Variants in DCLRE1A observed in about 807,000 individuals in gnomAD.
DCLRE1A encodes DNA cross-link repair 1A.
Under a neutral mutation model 91.9 loss-of-function variants are expected in DCLRE1A, and 64 were observed. That is an observed-to-expected ratio of 0.70 (90% confidence interval 0.57 to 0.86). The LOEUF (loss-of-function observed/expected upper bound fraction) is 0.86. Ranked by LOEUF, DCLRE1A falls within the 40% of genes least tolerant of loss-of-function variation. DCLRE1A has a pLI of 0.00. For synonymous variants in DCLRE1A, 416 were observed against 431.1 expected (o/e 0.96, Z 0.43); for missense variants, 1,145 against 1,213.3 (o/e 0.94, Z 0.84).
Position 113,847,191 on chromosome 10 carries a change from C to G in DCLRE1A, c.2259+11G>C, listed in dbSNP as rs370440872. The G allele has an allele frequency of 4.4e-6, 7 of 1,588,160 alleles. No homozygotes were observed. The African/African-American group carries it at 9.4e-5, about 21-fold the overall frequency. On this transcript the variant is annotated intron_variant, in intron 3 of 8. Transcript: ENST00000361384. ...TTCTACAAAGTCAAAAGTTAGAATA[C>G]TAAAACTTACCTCACTACAATAAAC...
chr10:113,852,959 G>T lies in DCLRE1A; in HGVS notation c.224C>A (p.Ser75Tyr), dbSNP rs368582057. 6.8e-5 allele frequency: 109 copies of T among 1,614,068 alleles called. No homozygotes were observed. Among genetic ancestry groups the T allele is most frequent in the Non-Finnish European group, 8.8e-5 (104 of 1,180,036 alleles). ...ACTTGAATTCTGACTAGAAGCAACA[G>T]AAGTCTGACAACCTGCATTTCCAAG... ...VPLGNAGCQT[S>Y]VASSQNSSCG... Residue 75 changes from serine to tyrosine, a missense_variant, in exon 1 of 9, where the codon TCT becomes TAT. Physicochemically the swap from Ser to Tyr is moderately radical, Grantham distance 144. Transcript: ENST00000361384.
chr10:113,848,096 G>A (rs992166139), intron 2 of DCLRE1A, among the ~76,000 whole-genome samples: 2 of 152,106 alleles, frequency 1.3e-5, no homozygotes, highest in Admixed American at 6.5e-5. Flanking sequence ...GGCGGATCAC[G>A]AAGTCAGGAG....
At chr10:113,843,323 C>T (rs1845477062) in intron 5 of DCLRE1A, among the ~76,000 whole-genome samples, 1 of 152,084 alleles carries the variant, frequency 6.6e-6, no homozygotes, top group Admixed American at 6.5e-5. Context: ...AGAATCGTAT[C>T]AGAATAGAAC....
intron 2 of DCLRE1A, among the ~76,000 whole-genome samples, chr10:113,847,844 A>C (rs926591168): frequency 6.6e-6 from 1 of 152,186 alleles, no homozygotes; most frequent in Non-Finnish European, 1.5e-5. Context: ...AGAAAAAAAA[A>C]TGCCTAAAAA....
chr10:113,841,305 G>T (rs1414148356), intron 7 of DCLRE1A, 101 bp downstream of exon 7: 2 of 1,357,848 alleles, frequency 1.5e-6, no homozygotes, highest in East Asian at 2.5e-5. Context: ...TTTACTATGG[G>T]TGACTCTATT....
intron 3 of DCLRE1A, among the ~76,000 whole-genome samples, chr10:113,846,788 C>A (rs969656075): frequency 3.3e-5 from 5 of 152,006 alleles, no homozygotes; most frequent in Admixed American, 1.3e-4. Context: ...AGTTGTTATA[C>A]TATATTTTTT....
intron 2 of DCLRE1A, among the ~76,000 whole-genome samples, chr10:113,848,130 G>A (rs1418783651): frequency 1.3e-5 from 2 of 152,036 alleles, no homozygotes; most frequent in Non-Finnish European, 2.9e-5. Context: ...TGGCTAGCAC[G>A]GTGAAACCCC....
chr10:113,852,228 C>T (rs969037475), intron 1 of DCLRE1A, among the ~76,000 whole-genome samples: 1 of 152,060 alleles, frequency 6.6e-6, no homozygotes, highest in Non-Finnish European at 1.5e-5. Flanking sequence ...CCCGGCTACT[C>T]GGGAAGCTGA....
intron 7 of DCLRE1A, among the ~76,000 whole-genome samples, chr10:113,839,298 C>G (rs1431379209): frequency 1.5e-5 from 2 of 137,472 alleles, no homozygotes; most frequent in Non-Finnish European, 3.0e-5. Context: ...GCACTCCAGC[C>G]TGGTGGACAG....
chr10:113,849,595 A>C lies in DCLRE1A; in HGVS notation c.1510T>G (p.Cys504Gly). The change falls in exon 2 of 9, where the codon TGT (cysteine) becomes GGT (glycine). Residue 504 changes from cysteine to glycine, a missense_variant. Cys to Gly is a radical substitution (Grantham distance 159). Coordinates refer to ENST00000361384, the MANE Select transcript of DCLRE1A (RefSeq NM_014881.5). ...LNAKNNTNSA[C>G]FCRKALEGVP... ...CCCTCTAATGCCTTTCTGCAGAAAC[A>C]TGCTGAGTTAGTATTATTCTTAGCA... The C allele has an allele frequency of 6.2e-7, 1 of 1,614,054 alleles. No homozygotes were observed. The highest frequency in any genetic ancestry group is 1.3e-5 in the African/African-American group (1 of 75,068).
At chr10:113,836,992 T>C (rs1845371241) in intron 8 of DCLRE1A, 70 bp downstream of exon 8, 6 of 1,364,704 alleles carry the variant, frequency 4.4e-6, no homozygotes, top group Non-Finnish European at 4.9e-6. Context: ...GATTTGAACC[T>C]TATTACATTT....
intron 7 of DCLRE1A, among the ~76,000 whole-genome samples, chr10:113,837,842 T>A (rs1845387166): frequency 6.6e-6 from 1 of 152,156 alleles, no homozygotes. Context: ...TGATGACATT[T>A]GATAAAACTC....
In DCLRE1A at chr10:113,841,405, C is replaced by T. The variant is rs759940784; in HGVS notation, c.2820+1G>A. 9.9e-6 allele frequency: 16 copies of T among 1,611,440 alleles called. No homozygotes were observed. The highest frequency in any genetic ancestry group is 1.4e-5 in the Non-Finnish European group (16 of 1,178,986). On this transcript the variant is annotated splice_donor_variant, in intron 7 of 8. Transcript: ENST00000361384. LOFTEE classifies it high-confidence loss of function. ...AAAAGACATATCTCTTGAATGCTTA[C>T]CTTAAAATTAATTTGCATCATTGGG... is the stretch of plus-strand genomic sequence containing the variant.
intron 5 of DCLRE1A, 84 bp from the exon 6 acceptor site, chr10:113,842,572 G>T: frequency 1.5e-6 from 2 of 1,327,728 alleles, no homozygotes; most frequent in Non-Finnish European, 2.1e-6. Flanking sequence ...GAAAACAAGC[G>T]TTAGCAACTT....
In DCLRE1A at chr10:113,850,283, A is replaced by T; in HGVS notation, c.822T>A (p.Ala274=). ...FVENDKLVGV[A]LRLANNSEHI... ...GTTCTGAGTTGTTTGCAAGACGCAAAGCAACTCCCACTAGTTTGTCATTCT... is the reference window on the plus strand; with the variant it reads ...GTTCTGAGTTGTTTGCAAGACGCAATGCAACTCCCACTAGTTTGTCATTCT... Residue 274 remains alanine (A), a synonymous_variant, in exon 2 of 9, where the codon GCT becomes GCA. Transcript: ENST00000361384. The T allele has an allele frequency of 6.2e-7, 1 of 1,614,228 alleles. No individual in the cohort carries two copies. Among genetic ancestry groups the T allele is most frequent in the Non-Finnish European group, 8.5e-7 (1 of 1,180,044 alleles).
chr10:113,849,658 G>A lies in DCLRE1A; in HGVS notation c.1447C>T (p.Gln483Ter). The A allele has an allele frequency of 6.2e-7, 1 of 1,614,092 alleles. No homozygotes were observed. Among genetic ancestry groups the A allele is most frequent in the Non-Finnish European group, 8.5e-7 (1 of 1,180,020 alleles). ...VEGYLSSQPTQNTIRKLSSEN... is the reference protein window; with the variant it reads ...VEGYLSSQPT ...CTTGATAATTTTCTAATTGTATTTT[G>A]GGTTGGTTGGGAAGAAAGATACCCT... is the stretch of plus-strand genomic sequence containing the variant. Residue 483 changes from glutamine to a stop codon, truncating the protein, a stop_gained, in exon 2 of 9, where the codon CAA (glutamine) becomes TAA (stop). Coordinates refer to ENST00000361384, the MANE Select transcript of DCLRE1A (RefSeq NM_014881.5). LOFTEE classifies it high-confidence loss of function.
At chr10:113,840,490 C>A (rs773568750) in intron 7 of DCLRE1A, among the ~76,000 whole-genome samples, 2 of 152,026 alleles carry the variant, frequency 1.3e-5, no homozygotes, top group Non-Finnish European at 2.9e-5. Flanking sequence ...AAAGTGGATG[C>A]GCTTCATTAC....
chr10:113,849,089 G>A lies in DCLRE1A; in HGVS notation c.2016C>T (p.Phe672=). The A allele has an allele frequency of 6.2e-7, 1 of 1,613,998 alleles. No individual in the cohort carries two copies. The highest frequency in any genetic ancestry group is 8.5e-7 in the Non-Finnish European group (1 of 1,179,992). ...GCAGCCCACCATGAGCTGATTTTGT[G>A]AAGACTTTGACTTTACTTAAATTGA... is the stretch of plus-strand genomic sequence containing the variant. ...EAVNLSKVKV[F]TKSAHGGLQR... The change falls in exon 2 of 9, where the codon TTC becomes TTT. Residue 672 remains phenylalanine, a synonymous_variant. Coordinates refer to ENST00000361384, the MANE Select transcript of DCLRE1A (RefSeq NM_014881.5).
In DCLRE1A at chr10:113,849,558, C is replaced by T. The variant is rs1221886737; in HGVS notation, c.1547G>A (p.Gly516Asp). The change falls in exon 2 of 9, where the codon GGT becomes GAT. Residue 516 changes from glycine (G) to aspartate (D), a missense_variant. By Grantham distance (94) the Gly-to-Asp change is moderately conservative. Coordinates refer to ENST00000361384, the MANE Select transcript of DCLRE1A (RefSeq NM_014881.5). ...CRKALEGVPV[G>D]KATILNTENL... ...TTCTGTATTTAAAATTGTAGCTTTA[C>T]CAACTGGCACACCCTCTAATGCCTT... 1 of 1,613,674 alleles carries T rather than the reference C, an allele frequency of 6.2e-7. No homozygotes were observed. Among genetic ancestry groups the T allele is most frequent in the Non-Finnish European group, 8.5e-7 (1 of 1,179,996 alleles).
Sources: gnomAD v4.1 joint callset for allele counts (sites outside exome capture counted in the v4.1 genomes callset) on GRCh38, gnomAD v4.1.1 for gene constraint, MANE v1.5 for transcripts, NCBI Gene and HGNC (gene_info 2026-07-23, HGNC 2026-07-21) for gene names.